SCAPER: variants seen among roughly 807,000 people sequenced by gnomAD.
The protein encoded by SCAPER is S phase cyclin A-associated protein in the endoplasmic reticulum.
SCAPER carries 98 observed loss-of-function variants against 182.2 expected under a neutral mutation model. That is an observed-to-expected ratio of 0.54 (90% CI 0.46 to 0.64). The LOEUF is 0.64. Among genes scored for constraint, SCAPER ranks in the 30% least tolerant of loss-of-function variants. SCAPER has a pLI of 0.00. For synonymous variants in SCAPER, 605 were observed against 564.6 expected (o/e 1.07, Z -1.01); for missense variants, 1,432 against 1,690.0 (o/e 0.85, Z 2.68).
In SCAPER at chr15:76,430,939, G is replaced by T. The variant is rs537915687; in HGVS notation, c.3311+3139C>A. Among the ~76,000 whole-genome samples the T allele has an allele frequency of 2.1e-3, 318 of 152,208 alleles. 2 individuals are homozygous for T. The highest frequency in any genetic ancestry group is 7.3e-3 in the African/African-American group (303 of 41,544). ...GGGAGGGACCCGGTGGGAGGTAACT[G>T]AATCATGGGGGCAGGTCTTTCCCAT... On this transcript the variant is annotated intron_variant, in intron 26 of 31. Transcript: ENST00000563290.
At chr15:76,621,980 T>A (rs1183578503) in intron 21 of SCAPER, among the ~76,000 whole-genome samples, 151 bp from the exon 22 acceptor site, 3 of 151,990 alleles carry the variant, frequency 2.0e-5, no homozygotes, top group Non-Finnish European at 4.4e-5. Context: ...ACCTCAAGAG[T>A]TATACAATGA....
chr15:76,649,137 T>C (rs2054800593), intron 21 of SCAPER, among the ~76,000 whole-genome samples: 2 of 152,212 alleles, frequency 1.3e-5, no homozygotes, highest in Admixed American at 6.5e-5. Flanking sequence ...CTTTCTTTTG[T>C]CTATTAAACC....
At chr15:76,711,893 T>C (rs571810007) in intron 17 of SCAPER, among the ~76,000 whole-genome samples, 1 of 152,310 alleles carries the variant, frequency 6.6e-6, no homozygotes, top group Admixed American at 6.5e-5. Context: ...AGGTTGCCTG[T>C]TCACTCTGAT....
chr15:76,627,269 CTATTT>C (rs2052671693), intron 21 of SCAPER, among the ~76,000 whole-genome samples: 2 of 152,128 alleles, frequency 1.3e-5, no homozygotes, highest in Non-Finnish European at 2.9e-5. Flanking sequence ...AATTAAACCT[CTATTT>C]TTTTTATCTT....
intron 22 of SCAPER, among the ~76,000 whole-genome samples, chr15:76,593,800 C>G (rs1423226202): frequency 4.1e-5 from 5 of 120,916 alleles, no homozygotes; most frequent in East Asian, 2.2e-4. Flanking sequence ...AGGACATCCA[C>G]ACAGAAACCC....
Position 76,753,877 on chromosome 15 carries a change from A to T in SCAPER, c.1797T>A (p.Leu599=). 6.2e-7 allele frequency: 1 copy of T among 1,613,180 alleles called. No homozygotes were observed. Among genetic ancestry groups the T allele is most frequent in the South Asian group, 1.1e-5 (1 of 91,022 alleles). The change falls in exon 15 of 32, where the codon CTT becomes CTA. Residue 599 remains leucine (L), a synonymous_variant. Coordinates refer to ENST00000563290, the MANE Select transcript of SCAPER (RefSeq NM_020843.4). Reference sequence around the variant, plus strand: ...GCACTTCTCGCTTAAACTCAGCATGAAGTAATTTTTCTTCCATCATCCTGC... The same window carrying T: ...GCACTTCTCGCTTAAACTCAGCATGTAGTAATTTTTCTTCCATCATCCTGC... The part of the protein sequence containing the change: ...QRRRMMEEKL[L]HAEFKREVQL...
intron 22 of SCAPER, among the ~76,000 whole-genome samples, chr15:76,590,226 T>A (rs929889249): frequency 6.6e-6 from 1 of 152,226 alleles, no homozygotes. Context: ...CGAGTGTGAC[T>A]AGATAGAATG....
chr15:76,480,874 G>A (rs536010333), intron 24 of SCAPER, among the ~76,000 whole-genome samples: 62 of 152,220 alleles, frequency 4.1e-4, no homozygotes, highest in African/African-American at 1.4e-3. Flanking sequence ...GGGACGACAG[G>A]CGCCTACCAC....
At chr15:76,792,240 A>G (rs2065049223) in intron 8 of SCAPER, among the ~76,000 whole-genome samples, 1 of 152,180 alleles carries the variant, frequency 6.6e-6, no homozygotes, top group East Asian at 1.9e-4. Flanking sequence ...CTCTTCTCCC[A>G]TTGAACTTCC....
chr15:76,459,383 T>C (rs2048980679), intron 25 of SCAPER, among the ~76,000 whole-genome samples: 1 of 152,222 alleles, frequency 6.6e-6, no homozygotes, highest in African/African-American at 2.4e-5. Context: ...TCTGTATATA[T>C]TCTAACTGGA....
intron 23 of SCAPER, among the ~76,000 whole-genome samples, chr15:76,562,522 G>A (rs1232702965): frequency 6.6e-6 from 1 of 152,020 alleles, no homozygotes; most frequent in Non-Finnish European, 1.5e-5. Context: ...ATGAAAAGGT[G>A]CCTCAACCTA....
Position 76,774,996 on chromosome 15 carries a change from A to C in SCAPER, c.894T>G (p.Ser298Arg). 6.2e-7 allele frequency: 1 copy of C among 1,613,822 alleles called. No individual in the cohort carries two copies. The highest frequency in any genetic ancestry group is 8.5e-7 in the Non-Finnish European group (1 of 1,179,782). ...GTAAAAGACATACATTTTCTTTATC[A>C]CTGTCATCCTTTGATCTTGTGGCTT... is the stretch of plus-strand genomic sequence containing the variant. ...ATEATRSKDD[S>R]DKENVCLLPD... The change falls in exon 9 of 32, where the codon AGT (serine) becomes AGG (arginine). Residue 298 changes from serine (S) to arginine (R), a missense_variant. By Grantham distance (110) the Ser-to-Arg change is moderately radical (BLOSUM62 -1). Around this residue, in one of 5 missense-constraint regions of SCAPER, gnomAD observed 480 missense variants for 510.2 expected, o/e 0.94. Transcript: ENST00000563290.
At chr15:76,742,890 TAACAGAAC>T (rs1458875285) in intron 15 of SCAPER, among the ~76,000 whole-genome samples, 2 of 152,106 alleles carry the variant, frequency 1.3e-5, no homozygotes, top group Admixed American at 6.5e-5. Flanking sequence ...TTTTGATTAG[TAACAGAAC>T]AACAGAAATA....
Position 76,701,821 on chromosome 15 carries a change from T to C in SCAPER, c.2445A>G (p.Lys815=), listed in dbSNP as rs753222974. ...TATTCTCTCTCACGGCTTGCTGGTG[T>C]TTTCTCCCTTTAACATGGCTAAAAA... ...VYLFSHVKGR[K]HQQAVRENTS... is the part of the protein sequence containing the mutation. Residue 815 remains lysine (K), a synonymous_variant, in exon 20 of 32, where the codon AAA becomes AAG. Transcript: ENST00000563290. The C allele has an allele frequency of 6.2e-7, 1 of 1,613,852 alleles. No homozygotes were observed. The highest frequency in any genetic ancestry group is 2.2e-5 in the East Asian group (1 of 44,860).
intron 26 of SCAPER, among the ~76,000 whole-genome samples, chr15:76,422,878 C>G (rs1414173509): frequency 6.6e-6 from 1 of 152,182 alleles, no homozygotes; most frequent in East Asian, 1.9e-4. Context: ...TTGAGATAAT[C>G]ATGTGGTTTT....
At chr15:76,615,190 T>C (rs2145992365) in intron 22 of SCAPER, among the ~76,000 whole-genome samples, 1 of 152,220 alleles carries the variant, frequency 6.6e-6, no homozygotes, top group African/African-American at 2.4e-5. Flanking sequence ...AAAGAAGATG[T>C]AATAGCACTT....
chr15:76,431,837 T>C (rs906661221), intron 26 of SCAPER, among the ~76,000 whole-genome samples: 1 of 152,150 alleles, frequency 6.6e-6, no homozygotes, highest in African/African-American at 2.4e-5. Context: ...AGAGAAAGAC[T>C]GGCATGGTAT....
At chr15:76,460,087 ATTT>A (rs571769499) in intron 25 of SCAPER, among the ~76,000 whole-genome samples, 1 of 151,126 alleles carries the variant, frequency 6.6e-6, no homozygotes, top group Non-Finnish European at 1.5e-5. Flanking sequence ...GTAATATATG[ATTT>A]TTTTTCTGTT....
intron 23 of SCAPER, among the ~76,000 whole-genome samples, chr15:76,521,421 G>A (rs1001639326): frequency 1.3e-5 from 2 of 151,686 alleles, no homozygotes; most frequent in Non-Finnish European, 2.9e-5. Flanking sequence ...TTAGGCTCAC[G>A]ACTGTAATCC....
Sources: gnomAD v4.1 joint callset for allele counts (sites outside exome capture counted in the v4.1 genomes callset) on GRCh38, gnomAD v4.1.1 for gene constraint, gnomAD v4.1.1 regional missense constraint, MANE v1.5 for transcripts, NCBI Gene and HGNC (gene_info 2026-07-23, HGNC 2026-07-21) for gene names.